Variants in MACROD2 observed in about 807,000 individuals in gnomAD.
The protein encoded by MACROD2 is ADP-ribose glycohydrolase MACROD2.
MACROD2 carries 36 observed loss-of-function variants against 70.4 expected under a neutral mutation model. The ratio of observed to expected loss-of-function variants is 0.51; its 90% CI spans 0.39 to 0.68. The LOEUF (loss-of-function observed/expected upper bound fraction) is 0.68. Ranked by LOEUF, MACROD2 falls within the 30% of genes least tolerant of loss-of-function variation. The probability of loss-of-function intolerance (pLI) is 0.00; values close to 1 mark genes in which losing one functional copy is unlikely to be tolerated. For missense variants in MACROD2, 496 were observed against 538.4 expected, an observed-to-expected ratio of 0.92 and a Z score of 0.78; for synonymous variants, 172 against 178.8, an observed-to-expected ratio of 0.96 and a Z score of 0.30.
chr20:15,831,169 T>C (rs2064052191), intron 8 of MACROD2, among the ~76,000 whole-genome samples: 2 of 152,116 alleles, frequency 1.3e-5, no homozygotes, highest in Admixed American at 1.3e-4. Context: ...CCTTTATGGG[T>C]GATGTTCTCT....
chr20:14,887,682 C>CTCACA, intron 5 of MACROD2, among the ~76,000 whole-genome samples: 1 of 152,194 alleles, frequency 6.6e-6, no homozygotes, highest in East Asian at 1.9e-4. Flanking sequence ...GCCACCGTGG[C>CTCACA]TGGCCATGTT....
intron 8 of MACROD2, among the ~76,000 whole-genome samples, chr20:15,677,581 C>T (rs984226379): frequency 1.4e-4 from 21 of 152,026 alleles, no homozygotes; most frequent in Non-Finnish European, 2.9e-4. Context: ...GAACACTGGC[C>T]ACTGTGTGGG....
chr20:15,259,359 T>C (rs2077228167), intron 6 of MACROD2, among the ~76,000 whole-genome samples: 1 of 151,942 alleles, frequency 6.6e-6, no homozygotes, highest in African/African-American at 2.4e-5. Context: ...TGGGGGGAGC[T>C]GGCATAGGTA....
At chr20:15,559,469 A>C (rs1201551448) in intron 8 of MACROD2, among the ~76,000 whole-genome samples, 2 of 152,176 alleles carry the variant, frequency 1.3e-5, no homozygotes, top group African/African-American at 4.8e-5. Flanking sequence ...TTAAGACCAA[A>C]GTAGGTTTAC....
intron 5 of MACROD2, among the ~76,000 whole-genome samples, chr20:15,201,714 A>G (rs1163636340): frequency 6.6e-6 from 1 of 152,168 alleles, no homozygotes; most frequent in African/African-American, 2.4e-5. Context: ...AAGCACTTCT[A>G]TTGCTAAGTC....
chr20:14,552,529 A>G (rs2123265787), intron 4 of MACROD2, among the ~76,000 whole-genome samples: 1 of 151,840 alleles, frequency 6.6e-6, no homozygotes, highest in African/African-American at 2.4e-5. Context: ...ACACTGTCAT[A>G]CATCACTTAA....
chr20:15,673,840 A>G (rs2050017470), intron 8 of MACROD2, among the ~76,000 whole-genome samples: 1 of 151,932 alleles, frequency 6.6e-6, no homozygotes, highest in African/African-American at 2.4e-5. Flanking sequence ...ATCCAATAGA[A>G]ATTTCTGCCC....
chr20:15,474,911 G>T (rs2047002416), intron 7 of MACROD2, among the ~76,000 whole-genome samples: 1 of 151,974 alleles, frequency 6.6e-6, no homozygotes, highest in Non-Finnish European at 1.5e-5. Context: ...AATCACCGTT[G>T]TACTCGGAGG....
intron 8 of MACROD2, among the ~76,000 whole-genome samples, chr20:15,574,381 C>T (rs2048416539): frequency 1.3e-5 from 2 of 152,094 alleles, no homozygotes; most frequent in Admixed American, 1.3e-4. Context: ...CTCTTTCTTC[C>T]TCTCATCTTA....
At chr20:15,333,211 C>T (rs2078011808) in intron 6 of MACROD2, among the ~76,000 whole-genome samples, 1 of 151,550 alleles carries the variant, frequency 6.6e-6, no homozygotes, top group Non-Finnish European at 1.5e-5. Context: ...AAGCCCAGTG[C>T]ATGAGAAACT....
intron 3 of MACROD2, among the ~76,000 whole-genome samples, chr20:14,100,996 C>G (rs924420679): frequency 1.3e-5 from 2 of 150,448 alleles, no homozygotes; most frequent in Non-Finnish European, 3.0e-5. Flanking sequence ...TTTATTTTAT[C>G]TTTTCCCCCT....
intron 5 of MACROD2, among the ~76,000 whole-genome samples, chr20:15,132,305 A>C (rs1378205277): frequency 6.6e-6 from 1 of 152,038 alleles, no homozygotes; most frequent in Non-Finnish European, 1.5e-5. Flanking sequence ...CATGTCAGCC[A>C]TTAAAAGATT....
chr20:14,414,963 A>G (rs1874040934), intron 3 of MACROD2, among the ~76,000 whole-genome samples: 1 of 150,684 alleles, frequency 6.6e-6, no homozygotes, highest in African/African-American at 2.4e-5. Context: ...GCCTATCACC[A>G]TGTATTAGTA....
chr20:15,837,884 A>G (rs2064131307), intron 8 of MACROD2, among the ~76,000 whole-genome samples: 1 of 152,072 alleles, frequency 6.6e-6, no homozygotes, highest in South Asian at 2.1e-4. Flanking sequence ...TGATACTCTT[A>G]GCCCATCATC....
At chr20:15,591,984 A>G (rs7264185) in intron 8 of MACROD2, among the ~76,000 whole-genome samples, 13 of 152,300 alleles carry the variant, frequency 8.5e-5, no homozygotes, top group African/African-American at 2.6e-4. Context: ...TTGATTATCA[A>G]TTGTCACCTG....
intron 12 of MACROD2, among the ~76,000 whole-genome samples, chr20:15,941,937 A>C (rs1169197775): frequency 6.6e-6 from 1 of 152,198 alleles, no homozygotes; most frequent in Non-Finnish European, 1.5e-5. Context: ...TTTCCACAGG[A>C]AATTAGCATC....
chr20:15,683,542 C>A (rs2050188465), intron 8 of MACROD2, among the ~76,000 whole-genome samples: 1 of 152,116 alleles, frequency 6.6e-6, no homozygotes, highest in Non-Finnish European at 1.5e-5. Context: ...ATCTGAGGGA[C>A]CCAGAGCAAG....
chr20:15,694,820 A>G (rs1029384380), intron 8 of MACROD2, among the ~76,000 whole-genome samples: 1 of 152,160 alleles, frequency 6.6e-6, no homozygotes, highest in African/African-American at 2.4e-5. Flanking sequence ...AGTTTTTCCA[A>G]TGTTACCTTC....
intron 7 of MACROD2, among the ~76,000 whole-genome samples, chr20:15,481,948 G>A (rs550029668): frequency 1.2e-4 from 18 of 152,108 alleles, no homozygotes; most frequent in South Asian, 6.2e-4. Flanking sequence ...AAGTCTTTAC[G>A]GGATTGTTAG....
Sources: allele counts gnomAD v4.1 joint callset (sites outside exome capture counted in the v4.1 genomes callset), GRCh38; gene constraint gnomAD v4.1.1; transcripts MANE v1.5; gene names NCBI Gene and HGNC (gene_info 2026-07-23, HGNC 2026-07-21).